BDH2: variants seen among roughly 807,000 people sequenced by gnomAD.
BDH2 encodes dehydrogenase/reductase SDR family member 6.
BDH2 carries 24 observed loss-of-function variants against 33.2 expected under a neutral mutation model. The ratio of observed to expected loss-of-function variants is 0.72; its 90% CI spans 0.52 to 1.02. BDH2 has a LOEUF of 1.02. BDH2 is among the 50% of genes least tolerant of loss of function. The pLI is 0.00. For missense variants in BDH2, 249 were observed against 301.6 expected, an observed-to-expected ratio of 0.83 and a Z score of 1.29; for synonymous variants, 81 against 101.6, an observed-to-expected ratio of 0.80 and a Z score of 1.22.
intron 5 of BDH2, among the ~76,000 whole-genome samples, chr4:103,088,110 G>A (rs889489716): frequency 1.3e-5 from 2 of 152,012 alleles, no homozygotes; most frequent in Admixed American, 1.3e-4. Context: ...AGACAGCAGG[G>A]GAAAAAATAA....
At chr4:103,093,959 A>G (rs1434564605) in intron 3 of BDH2, among the ~76,000 whole-genome samples, 1 of 152,106 alleles carries the variant, frequency 6.6e-6, no homozygotes, top group Non-Finnish European at 1.5e-5. Context: ...AATTCAATTA[A>G]CTAATTCAAG....
intron 6 of BDH2, chr4:103,085,998 A>G (rs1560571067): frequency 1.7e-6 from 2 of 1,157,214 alleles, no homozygotes; most frequent in Non-Finnish European, 2.2e-6. Flanking sequence ...GCTCAGATCA[A>G]CTGTCTTTGT....
At chr4:103,096,523 CA>C (rs1159658505) in intron 1 of BDH2, among the ~76,000 whole-genome samples, 2 of 146,886 alleles carry the variant, frequency 1.4e-5, no homozygotes, top group Non-Finnish European at 3.0e-5. Context: ...TGGTGACAGA[CA>C]TTGGCCATTT....
At chr4:103,085,938 C>G (rs1407539835) in intron 6 of BDH2, 1 of 1,181,970 alleles carries the variant, frequency 8.5e-7, no homozygotes, top group Admixed American at 4.0e-5. Context: ...GTGACATAAT[C>G]CACATTTTGT....
At chr4:103,088,539 G>A (rs1747914595) in intron 5 of BDH2, among the ~76,000 whole-genome samples, 1 of 152,118 alleles carries the variant, frequency 6.6e-6, no homozygotes, top group African/African-American at 2.4e-5. Flanking sequence ...TCCAGGTCAG[G>A]AGCTGTCGTC....
chr4:103,085,692 AACTT>A (rs1747746855), intron 6 of BDH2: 1 of 1,455,584 alleles, frequency 6.9e-7, no homozygotes, highest in Non-Finnish European at 9.1e-7. Flanking sequence ...TGAAATGCTG[AACTT>A]ACTTAACATT....
chr4:103,078,194 A>C lies in BDH2; in HGVS notation c.*1508T>G, dbSNP rs1345305145. On this transcript the variant is annotated 3_prime_UTR_variant, in exon 10 of 10. Transcript: ENST00000296424. ...AAAACAAACATAAAACCCTTAAATTAAAATAAAAACAAAAAACTTTGCCCT... is the reference window on the plus strand; with the variant it reads ...AAAACAAACATAAAACCCTTAAATTCAAATAAAAACAAAAAACTTTGCCCT... Among the ~76,000 whole-genome samples, 3 of 152,208 alleles carry C rather than the reference A, an allele frequency of 2.0e-5. No homozygotes were observed. The highest frequency in any genetic ancestry group is 4.4e-5 in the Non-Finnish European group (3 of 68,030).
intron 4 of BDH2, 43 bp from the exon 5 acceptor site, chr4:103,091,328 A>G: frequency 7.5e-7 from 1 of 1,331,748 alleles, no homozygotes; most frequent in Non-Finnish European, 1.1e-6. Context: ...TGCCATTAAA[A>G]TTTTTCTATT....
rs751094740 is a variant in BDH2, at chr4:103,095,273, T to G, written c.81A>C (p.Ala27=). Residue 27 remains alanine, a synonymous_variant, in exon 3 of 10, where the codon GCA becomes GCC. Transcript: ENST00000296424. The part of the protein sequence containing the change: ...GIGQAAALAF[A]REGAKVIATD... ...TGGCTATGACTTTGGCACCTTCTCT[T>G]GCAAAAGCCTAGTAGACACAAAGTA... 1 of 1,613,272 alleles carries G rather than the reference T, an allele frequency of 6.2e-7. No individual in the cohort carries two copies. Among genetic ancestry groups the G allele is most frequent in the African/African-American group, 1.3e-5 (1 of 74,912 alleles).
intron 9 of BDH2, among the ~76,000 whole-genome samples, chr4:103,080,702 C>G (rs1207778554): frequency 6.6e-6 from 1 of 152,214 alleles, no homozygotes; most frequent in African/African-American, 2.4e-5. Flanking sequence ...CTCTAAAAAG[C>G]CAAAGGTACT....
At chr4:103,085,928 G>A (rs1747756227) in intron 6 of BDH2, 5 of 1,181,586 alleles carry the variant, frequency 4.2e-6, no homozygotes, top group Non-Finnish European at 1.1e-6. Flanking sequence ...ATGCCAGATT[G>A]TGACATAATC....
intron 9 of BDH2, among the ~76,000 whole-genome samples, chr4:103,081,597 CA>C (rs1189752685): frequency 2.0e-5 from 3 of 152,154 alleles, no homozygotes; most frequent in African/African-American, 7.2e-5. Context: ...TGCCCGGCCA[CA>C]AGTAAGAATT....
In BDH2 at chr4:103,094,708, G is replaced by A. The variant is rs180745492; in HGVS notation, c.151+495C>T. Among the ~76,000 whole-genome samples, 6 of 151,352 alleles carry A rather than the reference G, an allele frequency of 4.0e-5. No homozygotes were observed. The East Asian group carries it at 1.2e-3, about 30-fold the overall frequency. On this transcript the variant is annotated intron_variant, in intron 3 of 9. Coordinates refer to ENST00000296424, the MANE Select transcript of BDH2 (RefSeq NM_020139.4). ...AATTAAAATATTAATTTTTTAACTT[G>A]AGTGCATGTTGAGATTATATTTTAG... is the stretch of plus-strand genomic sequence containing the variant.
chr4:103,082,471 A>G (rs1747571668), intron 8 of BDH2, among the ~76,000 whole-genome samples: 1 of 152,222 alleles, frequency 6.6e-6, no homozygotes, highest in South Asian at 2.1e-4. Context: ...TAACCATTTT[A>G]AGTGTACAGT....
At chr4:103,091,970 A>G (rs2125809092) in intron 4 of BDH2, among the ~76,000 whole-genome samples, 1 of 152,370 alleles carries the variant, frequency 6.6e-6, no homozygotes, top group Non-Finnish European at 1.5e-5. Context: ...TTAAGGCAGA[A>G]CAAAACAAAC....
At chr4:103,085,761 G>C in intron 6 of BDH2, 1 of 1,345,370 alleles carries the variant, frequency 7.4e-7, no homozygotes, top group African/African-American at 1.5e-5. Flanking sequence ...GATTCCAAAA[G>C]AAAATGAAGA....
chr4:103,082,542 C>T (rs1747574985), intron 8 of BDH2, among the ~76,000 whole-genome samples: 1 of 152,012 alleles, frequency 6.6e-6, no homozygotes. Flanking sequence ...ATCTCCAGAA[C>T]TCTTATTTTT....
chr4:103,097,454 C>T (rs1748466524), intron 1 of BDH2, among the ~76,000 whole-genome samples: 1 of 151,972 alleles, frequency 6.6e-6, no homozygotes, highest in African/African-American at 2.4e-5. Flanking sequence ...AGCCAAATGA[C>T]CATCAAATGA....
In BDH2 at chr4:103,082,859, T is replaced by G. The variant is rs1471137913; in HGVS notation, c.591+12A>C. 6.3e-7 allele frequency: 1 copy of G among 1,597,588 alleles called. No individual in the cohort carries two copies. The highest frequency in any genetic ancestry group is 1.7e-5 in the Admixed American group (1 of 59,988). ...ACAAAAGGTTTAAATACATTTTAAA[T>G]GCTAGATGTACCTCTTCAGGATTTC... is the stretch of plus-strand genomic sequence containing the variant. On this transcript the variant is annotated intron_variant, in intron 8 of 9. Coordinates refer to ENST00000296424, the MANE Select transcript of BDH2 (RefSeq NM_020139.4).
Sources: allele counts gnomAD v4.1 joint callset (sites outside exome capture counted in the v4.1 genomes callset), GRCh38; gene constraint gnomAD v4.1.1; transcripts MANE v1.5; gene names NCBI Gene and HGNC (gene_info 2026-07-23, HGNC 2026-07-21).